The following WWTR1 variants were observed in gnomAD, a reference collection of about 807,000 sequenced individuals.
WWTR1 encodes WW domain-containing transcription regulator protein 1.
In WWTR1, 13 loss-of-function variants were observed where a neutral mutation model predicts 40.1. That is an observed-to-expected ratio of 0.32 (90% CI 0.21 to 0.52). The LOEUF is 0.52. Among genes scored for constraint, WWTR1 ranks in the 20% least tolerant of loss-of-function variants. The pLI is 0.97. For synonymous variants in WWTR1, 230 were observed against 210.1 expected (o/e 1.09, Z -0.82); for missense variants, 436 against 523.1 (o/e 0.83, Z 1.63).
At chr3:149,678,990 C>T (rs191267271) in intron 1 of WWTR1, among the ~76,000 whole-genome samples, 28 of 151,984 alleles carry the variant, frequency 1.8e-4, no homozygotes, top group African/African-American at 5.6e-4. Context: ...TCACCATGCC[C>T]GGCTAATTTT....
At chr3:149,583,119 C>T (rs1007988024) in intron 2 of WWTR1, among the ~76,000 whole-genome samples, 1 of 152,126 alleles carries the variant, frequency 6.6e-6, no homozygotes, top group African/African-American at 2.4e-5. Context: ...GCGTGTGCCA[C>T]CACACCTGAC....
chr3:149,623,591 T>A (rs781308568), intron 2 of WWTR1, among the ~76,000 whole-genome samples: 1 of 152,220 alleles, frequency 6.6e-6, no homozygotes, highest in Non-Finnish European at 1.5e-5. Flanking sequence ...CCATTTTTTG[T>A]CCATTGAATG....
intron 2 of WWTR1, among the ~76,000 whole-genome samples, chr3:149,576,766 T>C (rs554744823): frequency 6.6e-6 from 1 of 152,246 alleles, no homozygotes; most frequent in Admixed American, 6.5e-5. Flanking sequence ...TTTTTTCTTA[T>C]CTAAACTGCT....
At chr3:149,572,088 G>A (rs1333280750) in intron 3 of WWTR1, among the ~76,000 whole-genome samples, 1 of 152,162 alleles carries the variant, frequency 6.6e-6, no homozygotes, top group Non-Finnish European at 1.5e-5. Context: ...GCCACCTGCA[G>A]GTTATGTAAT....
Position 149,656,972 on chromosome 3 carries a change from T to C in WWTR1, c.335A>G (p.His112Arg). The C allele has an allele frequency of 6.3e-7, 1 of 1,598,250 alleles. No homozygotes were observed. Among genetic ancestry groups the C allele is most frequent in the Non-Finnish European group, 8.5e-7 (1 of 1,176,246 alleles). Residue 112 changes from histidine to arginine, a missense_variant, in exon 2 of 7, where the codon CAC (histidine) becomes CGC (arginine). Physicochemically the swap from His to Arg is conservative, Grantham distance 29 (BLOSUM62 0). Coordinates refer to ENST00000360632, the MANE Select transcript of WWTR1 (RefSeq NM_015472.6). ...AAGSPAQQHA[H>R]LRQQSYDVTD... is the part of the protein sequence containing the mutation. ...CACGTCGTAGGACTGCTGGCGGAGG[T>C]GCGCGTGCTGCTGCGCGGGGCTACC...
intron 2 of WWTR1, among the ~76,000 whole-genome samples, chr3:149,628,790 A>G (rs1319045000): frequency 7.0e-6 from 1 of 142,170 alleles, no homozygotes; most frequent in Non-Finnish European, 1.5e-5. Context: ...TTTGAGACAG[A>G]GTTGCTCTAG....
chr3:149,591,663 G>A (rs1478786851), intron 2 of WWTR1, among the ~76,000 whole-genome samples: 2 of 151,926 alleles, frequency 1.3e-5, no homozygotes, highest in East Asian at 3.8e-4. Flanking sequence ...AATATCTTAT[G>A]TTTTAAAACA....
chr3:149,683,358 G>A (rs1714523789), intron 1 of WWTR1, among the ~76,000 whole-genome samples: 1 of 152,142 alleles, frequency 6.6e-6, no homozygotes, highest in Non-Finnish European at 1.5e-5. Flanking sequence ...AGATTCCAGA[G>A]GTGTAACCAC....
Position 149,594,950 on chromosome 3 carries a change from C to CCTTTTTTTTTTTTTTTTTTTTTTT in WWTR1, c.432-21951_432-21950insAAAAAAAAAAAAAAAAAAAAAAAG, listed in dbSNP as rs1738915943. The stretch of plus-strand genomic sequence containing the variant: ...CATATTGCCTATAACCTCTTTTTTA[C>CCTTTTTTTTTTTTTTTTTTTTTTT]TTTTTTTTTTTTTTTTTTTTTTTTT... On this transcript the variant is annotated intron_variant, in intron 2 of 6. Transcript: ENST00000360632. Among the ~76,000 whole-genome samples the CCTTTTTTTTTTTTTTTTTTTTTTT allele has an allele frequency of 3.2e-5, 2 of 61,772 alleles. 1 individual carries two copies. The highest frequency in any genetic ancestry group is 1.1e-4 in the African/African-American group (2 of 18,086). 40.5% of individuals were successfully genotyped at this position (61,772 alleles called of 152,430 possible). A position where few individuals can be genotyped will look rare whatever the true frequency, so the allele number is the denominator to read the frequency against.
At chr3:149,707,923 A>C (rs1715371677), upstream of WWTR1, among the ~76,000 whole-genome samples, 1 of 152,100 alleles carries the variant, frequency 6.6e-6, no homozygotes, top group Admixed American at 6.5e-5. Context: ...TATGGCCAAC[A>C]GTATGGTATG....
At chr3:149,602,880 G>A (rs912955792) in intron 2 of WWTR1, among the ~76,000 whole-genome samples, 8 of 151,978 alleles carry the variant, frequency 5.3e-5, no homozygotes, top group Non-Finnish European at 7.4e-5. Flanking sequence ...GGCTGGTCTC[G>A]AACTCCTGAC....
At chr3:149,581,861 C>A (rs974261046) in intron 2 of WWTR1, among the ~76,000 whole-genome samples, 4 of 152,138 alleles carry the variant, frequency 2.6e-5, no homozygotes, top group Admixed American at 6.6e-5. Context: ...TGAGCACCAC[C>A]GACTTTTCTG....
chr3:149,584,607 C>T (rs570936302), intron 2 of WWTR1, among the ~76,000 whole-genome samples: 4 of 152,314 alleles, frequency 2.6e-5, no homozygotes, highest in African/African-American at 7.2e-5. Flanking sequence ...GGGGAGAGTG[C>T]TACTGGGGAC....
intron 2 of WWTR1, among the ~76,000 whole-genome samples, chr3:149,636,164 C>T (rs1055705789): frequency 8.5e-5 from 13 of 152,184 alleles, no homozygotes; most frequent in African/African-American, 2.9e-4. Flanking sequence ...GATGGCAACA[C>T]CACTGAAAAT....
At chr3:149,621,300 T>TG (rs1740253048) in intron 2 of WWTR1, among the ~76,000 whole-genome samples, 1 of 152,250 alleles carries the variant, frequency 6.6e-6, no homozygotes, top group Non-Finnish European at 1.5e-5. Flanking sequence ...ACAGTAATTC[T>TG]AATCACAGAA....
intron 1 of WWTR1, among the ~76,000 whole-genome samples, chr3:149,698,917 A>G (rs1371255206): frequency 6.6e-6 from 1 of 152,082 alleles, no homozygotes; most frequent in Non-Finnish European, 1.5e-5. Context: ...TGAAACTATT[A>G]TTTCCTCCTA....
intron 2 of WWTR1, among the ~76,000 whole-genome samples, chr3:149,608,317 GCA>G (rs145810531): frequency 6.6e-6 from 1 of 151,576 alleles, no homozygotes; most frequent in Non-Finnish European, 1.5e-5. Flanking sequence ...ACACAAATGT[GCA>G]CACACACACA....
At chr3:149,573,023 T>C in intron 2 of WWTR1, 23 bp from the exon 3 acceptor site, 1 of 1,573,782 alleles carries the variant, frequency 6.4e-7, no homozygotes, top group Non-Finnish European at 8.6e-7. Flanking sequence ...AAACAATTAA[T>C]TATCTTTTTA....
intron 2 of WWTR1, among the ~76,000 whole-genome samples, chr3:149,618,343 G>A (rs574137556): frequency 4.8e-4 from 73 of 152,172 alleles, no homozygotes; most frequent in Non-Finnish European, 9.0e-4. Flanking sequence ...ACACTGAGGC[G>A]CTGGTACCAA....
Sources: allele counts gnomAD v4.1 joint callset (sites outside exome capture counted in the v4.1 genomes callset), GRCh38; gene constraint gnomAD v4.1.1; transcripts MANE v1.5; gene names NCBI Gene and HGNC (gene_info 2026-07-23, HGNC 2026-07-21).